CTNNA3: variants seen among roughly 807,000 people sequenced by gnomAD.
CTNNA3 encodes catenin alpha 3, also known as catenin alpha-3.
Under a neutral mutation model 95.7 loss-of-function variants are expected in CTNNA3, and 76 were observed. That is an observed-to-expected ratio of 0.79 (90% confidence interval 0.66 to 0.96). CTNNA3 has a LOEUF of 0.96. CTNNA3 is among the 40% of genes least tolerant of loss of function. The probability of loss-of-function intolerance (pLI) is 0.00; values close to 1 mark genes in which losing one functional copy is unlikely to be tolerated. For missense variants in CTNNA3, 1,191 were observed against 1,089.8 expected (o/e 1.09, Z -1.31); for synonymous variants, 431 against 374.4 (o/e 1.15, Z -1.74).
At chr10:67,221,768 G>A (rs910781998) in intron 5 of CTNNA3, among the ~76,000 whole-genome samples, 4 of 151,936 alleles carry the variant, frequency 2.6e-5, no homozygotes, top group African/African-American at 9.7e-5. Context: ...TAGGGACGGG[G>A]TTTCATCATG....
chr10:67,381,947 T>A (rs1395187510), intron 5 of CTNNA3, among the ~76,000 whole-genome samples: 1 of 152,170 alleles, frequency 6.6e-6, no homozygotes, highest in Admixed American at 6.6e-5. Context: ...TTTACTTACA[T>A]GTACATTGGA....
intron 5 of CTNNA3, among the ~76,000 whole-genome samples, chr10:67,310,987 T>C (rs1021589212): frequency 1.3e-5 from 2 of 152,224 alleles, no homozygotes; most frequent in African/African-American, 4.8e-5. Context: ...TGTCATCTTT[T>C]GTTTTACTTT....
chr10:65,994,205 T>A (rs1589226600), intron 15 of CTNNA3, among the ~76,000 whole-genome samples: 1 of 152,222 alleles, frequency 6.6e-6, no homozygotes, highest in African/African-American at 2.4e-5. Flanking sequence ...ACCATTTGAG[T>A]AGTTTCTACA....
chr10:67,139,438 T>C (rs1860447002), intron 7 of CTNNA3, among the ~76,000 whole-genome samples: 1 of 145,424 alleles, frequency 6.9e-6, no homozygotes, highest in African/African-American at 2.6e-5. Context: ...CGAGCCACCA[T>C]ACCCGGCCTA....
chr10:67,725,207 C>G (rs1403535229), intron 1 of CTNNA3, among the ~76,000 whole-genome samples: 1 of 149,918 alleles, frequency 6.7e-6, no homozygotes, highest in African/African-American at 2.5e-5. Context: ...ACGGGAGTCT[C>G]GCTCTGTTGC....
In CTNNA3 at chr10:67,514,429, T is replaced by C. The variant is rs184514418; in HGVS notation, c.579+7413A>G. 3.6e-3 allele frequency among the ~76,000 whole-genome samples: 547 copies of C among 152,322 alleles called. 8 individuals are homozygous for C. Among genetic ancestry groups the C allele is most frequent in the African/African-American group, 0.013 (524 of 41,580 alleles). On this transcript the variant is annotated intron_variant, in intron 5 of 17. Coordinates refer to ENST00000433211, the MANE Select transcript of CTNNA3 (RefSeq NM_013266.4). The stretch of plus-strand genomic sequence containing the variant: ...CTTAAACCACCAAAAGTCATAATCT[T>C]AGTAGTGAAAGATTACCTTCTTTTC...
intron 15 of CTNNA3, among the ~76,000 whole-genome samples, chr10:66,020,025 T>C (rs1407919549): frequency 6.6e-5 from 10 of 152,230 alleles, no homozygotes; most frequent in Non-Finnish European, 1.3e-4. Context: ...ATTTAAAACT[T>C]AATAAAATAC....
At chr10:66,182,740 T>A (rs1589661383) in intron 13 of CTNNA3, among the ~76,000 whole-genome samples, 1 of 151,740 alleles carries the variant, frequency 6.6e-6, no homozygotes, top group Non-Finnish European at 1.5e-5. Context: ...GATTTTTTTT[T>A]AAAAGAAATA....
chr10:66,115,608 TAGAGATAG>T (rs1440312275), intron 13 of CTNNA3, among the ~76,000 whole-genome samples: 3 of 150,842 alleles, frequency 2.0e-5, no homozygotes, highest in African/African-American at 7.3e-5. Context: ...GAGATAGAGA[TAGAGATAG>T]AGATAGAGAT....
At position 66,250,280 on chromosome 10, in the gene CTNNA3, T is replaced by C. The variant is rs1277693436; in HGVS notation, c.1884+30190A>G. The stretch of plus-strand genomic sequence containing the variant: ...AGTTACCAGAAGCTGGGAAGGGTAG[T>C]TGGGGACTTAGGGGGAAGTGAGGAT... On this transcript the variant is annotated intron_variant, in intron 13 of 17. Transcript: ENST00000433211. Among the ~76,000 whole-genome samples the C allele has an allele frequency of 3.3e-5, 5 of 152,088 alleles. 1 individual carries two copies. The highest frequency in any genetic ancestry group is 4.2e-4 in the South Asian group (2 of 4,816).
At chr10:67,147,101 A>G (rs7913594) in intron 7 of CTNNA3, among the ~76,000 whole-genome samples, 91,926 of 152,020 alleles carry the variant, frequency 0.6, 28,201 homozygotes, top group Middle Eastern at 0.74. Flanking sequence ...ACACATGACT[A>G]TACATCCACC....
chr10:66,899,353 T>G (rs1241643917), intron 7 of CTNNA3, among the ~76,000 whole-genome samples: 3 of 152,164 alleles, frequency 2.0e-5, no homozygotes, highest in African/African-American at 7.2e-5. Context: ...CAATCCCACT[T>G]CTGGGAATAT....
In CTNNA3 at chr10:66,420,835, A is replaced by AAATT. The variant is rs1554959967; in HGVS notation, c.1532-41484_1532-41483insAATT. Among the ~76,000 whole-genome samples the AAATT allele has an allele frequency of 8.2e-3, 763 of 93,004 alleles. 3 individuals carry two copies. Among genetic ancestry groups the AAATT allele is most frequent in the Non-Finnish European group, 0.014 (594 of 43,276 alleles). The allele number at this position is 93,004 out of a possible 152,430, so 61.0% of individuals were successfully genotyped here. A position where few individuals can be genotyped will look rare whatever the true frequency, so the allele number is the denominator to read the frequency against. On this transcript the variant is annotated intron_variant, in intron 11 of 17. Transcript: ENST00000433211. ...TAAATAAATAAATAAATAAATAAAT[A>AAATT]AATAAAAAACAATATGGAGATTTCT...
At chr10:66,048,310 G>T (rs2079873280) in intron 15 of CTNNA3, among the ~76,000 whole-genome samples, 1 of 152,120 alleles carries the variant, frequency 6.6e-6, no homozygotes, top group African/African-American at 2.4e-5. Flanking sequence ...AGAGAGCCCA[G>T]AAATAAAGCT....
intron 7 of CTNNA3, among the ~76,000 whole-genome samples, chr10:66,909,240 C>G (rs145960659): frequency 6.6e-6 from 1 of 152,094 alleles, no homozygotes. Context: ...ACCAGCCGGG[C>G]GCGGTGGCTC....
chr10:65,978,173 T>C (rs2078244228), intron 16 of CTNNA3, among the ~76,000 whole-genome samples: 1 of 152,132 alleles, frequency 6.6e-6, no homozygotes, highest in African/African-American at 2.4e-5. Flanking sequence ...ACTAAAATGT[T>C]TCAATGCAGA....
intron 11 of CTNNA3, among the ~76,000 whole-genome samples, chr10:66,427,767 A>G (rs1214233243): frequency 6.6e-6 from 1 of 152,064 alleles, no homozygotes; most frequent in Admixed American, 6.6e-5. Context: ...AAATATGGAA[A>G]GGAACAACCG....
intron 9 of CTNNA3, among the ~76,000 whole-genome samples, chr10:66,664,618 A>G (rs1846377353): frequency 6.6e-6 from 1 of 152,004 alleles, no homozygotes; most frequent in Non-Finnish European, 1.5e-5. Context: ...AAACATGACT[A>G]TTAACTGACT....
chr10:66,737,425 C>T (rs1406166571), intron 9 of CTNNA3, among the ~76,000 whole-genome samples: 6 of 152,126 alleles, frequency 3.9e-5, no homozygotes, highest in South Asian at 2.1e-4. Context: ...TCTTAGTTGC[C>T]GCATTCTCAT....
Sources: gnomAD v4.1 joint callset for allele counts (sites outside exome capture counted in the v4.1 genomes callset) on GRCh38, gnomAD v4.1.1 for gene constraint, MANE v1.5 for transcripts, NCBI Gene and HGNC (gene_info 2026-07-23, HGNC 2026-07-21) for gene names.